PCBP3: variants seen among roughly 807,000 people sequenced by gnomAD.
The protein encoded by PCBP3 is poly(rC) binding protein 3.
In PCBP3, 25 loss-of-function variants were observed where a neutral mutation model predicts 52.7. The observed-to-expected ratio is 0.47, with a 90% CI of 0.35 to 0.66. The LOEUF is 0.66. Ranked by LOEUF, PCBP3 falls within the 30% of genes least tolerant of loss-of-function variation. The pLI is 0.01. For synonymous variants in PCBP3, 162 were observed against 183.0 expected, an observed-to-expected ratio of 0.89 and a Z score of 0.93; for missense variants, 391 against 490.3, an observed-to-expected ratio of 0.80 and a Z score of 1.91.
intron 5 of PCBP3, chr21:45,872,792 G>C (rs2095086704): frequency 6.6e-6 from 1 of 152,192 alleles, no homozygotes; most frequent in African/African-American, 2.4e-5. Context: ...ATTATTATTT[G>C]TATGGTTATT....
At chr21:45,846,845 G>A (rs966719399) in intron 4 of PCBP3, among the ~76,000 whole-genome samples, 1 of 152,206 alleles carries the variant, frequency 6.6e-6, no homozygotes, top group Non-Finnish European at 1.5e-5. Context: ...GGCCTCACGT[G>A]CTTCTGCTCA....
rs551295667 is a variant in PCBP3 at position 45,931,790 on chromosome 21, G to A, written c.856+945G>A. Among the ~76,000 whole-genome samples the A allele has an allele frequency of 6.3e-4, 96 of 151,770 alleles. 1 individual carries two copies. In the South Asian group the frequency reaches 0.015, roughly 24 times the overall value. ...CTGTCCTGAAATGAATGAACACATC[G>A]GCCATGCTGTCCTGAGATGAATGAA... On this transcript the variant is annotated intron_variant, in intron 15 of 17. Transcript: ENST00000681687.
intron 2 of PCBP3, among the ~76,000 whole-genome samples, chr21:45,731,854 C>T (rs1943981792): frequency 6.7e-6 from 1 of 149,162 alleles, no homozygotes; most frequent in Non-Finnish European, 1.5e-5. Flanking sequence ...TGTCATAAGC[C>T]CCACAATGCA....
rs886621625 is a variant in PCBP3 at position 45,788,888 on chromosome 21, G to C, written c.-126+33436G>C. 2.0e-5 allele frequency: 3 copies of C among 152,206 alleles called. No individual in the cohort carries two copies. The highest frequency in any genetic ancestry group is 7.2e-5 in the African/African-American group (3 of 41,458). 9.4% of individuals were successfully genotyped at this position (152,206 alleles called of 1,614,324 possible). On this transcript the variant is annotated intron_variant, in intron 4 of 17. Coordinates refer to ENST00000681687, the MANE Select transcript of PCBP3 (RefSeq NM_001384156.1). This position sits in a 1 kb window ranked among gnomAD's most constrained non-coding sequence, Gnocchi z 4.3. ...CTCCTCAGGTTAGAAACACAGTGGA[G>C]CTAATGACACATTTCAGAATTAGAA... is the stretch of plus-strand genomic sequence containing the variant.
At chr21:45,643,932 C>T (rs1263302366) in intron 1 of PCBP3, 64 bp downstream of exon 1, 1 of 148,948 alleles carries the variant, frequency 6.7e-6, no homozygotes, top group East Asian at 2.0e-4. Context: ...GGACCCAGTC[C>T]CCGACGGAGG....
intron 4 of PCBP3, among the ~76,000 whole-genome samples, chr21:45,824,501 C>G (rs1222252407): frequency 1.3e-5 from 2 of 152,226 alleles, no homozygotes; most frequent in African/African-American, 4.8e-5. Flanking sequence ...AGAGATTTCT[C>G]CCGTTGGGAT....
intron 13 of PCBP3, among the ~76,000 whole-genome samples, chr21:45,925,772 T>C (rs1364116824): frequency 2.6e-5 from 4 of 152,208 alleles, no homozygotes; most frequent in Non-Finnish European, 5.9e-5. Flanking sequence ...CAAGAAGATA[T>C]AATTCAAAAT....
chr21:45,733,965 A>G (rs772285519), intron 2 of PCBP3, among the ~76,000 whole-genome samples: 2 of 152,204 alleles, frequency 1.3e-5, no homozygotes, highest in African/African-American at 2.4e-5. Context: ...TATGAGATAT[A>G]TTTTTGTGCT....
chr21:45,903,297 G>A (rs2096114393), intron 9 of PCBP3, among the ~76,000 whole-genome samples: 1 of 152,146 alleles, frequency 6.6e-6, no homozygotes, highest in African/African-American at 2.4e-5. Flanking sequence ...GCCCCATGCA[G>A]GTTGCTGAAT....
intron 2 of PCBP3, among the ~76,000 whole-genome samples, chr21:45,723,692 G>T (rs975573017): frequency 6.6e-6 from 1 of 152,198 alleles, no homozygotes; most frequent in African/African-American, 2.4e-5. Flanking sequence ...GAGGGAAGGG[G>T]CTGCTGTCCC....
chr21:45,671,324 T>C (rs17004790), intron 2 of PCBP3, among the ~76,000 whole-genome samples: 4,139 of 152,294 alleles, frequency 0.027, 64 homozygotes, highest in Middle Eastern at 0.037. Context: ...AAAGGATGGA[T>C]TTCTAGCATT....
At chr21:45,875,993 A>G (rs1047540163) in intron 5 of PCBP3, among the ~76,000 whole-genome samples, 2 of 152,172 alleles carry the variant, frequency 1.3e-5, no homozygotes, top group Admixed American at 1.3e-4. Flanking sequence ...GTGGGAACTG[A>G]GGAAAGGTGT....
chr21:45,939,967 C>T, intron 16 of PCBP3, 63 bp from the exon 17 acceptor site: 4 of 1,502,966 alleles, frequency 2.7e-6, no homozygotes, highest in Non-Finnish European at 3.7e-6. Flanking sequence ...GGGCGCACTG[C>T]CCACAGTCTT....
intron 4 of PCBP3, among the ~76,000 whole-genome samples, chr21:45,812,432 G>T (rs1414395462): frequency 6.6e-6 from 1 of 152,216 alleles, no homozygotes; most frequent in South Asian, 2.1e-4. Flanking sequence ...TTGAGATGGA[G>T]TCTTGCTCTG....
chr21:45,940,388 C>T (rs998677873), intron 17 of PCBP3, among the ~76,000 whole-genome samples, 189 bp downstream of exon 17: 1 of 152,156 alleles, frequency 6.6e-6, no homozygotes, highest in African/African-American at 2.4e-5. Context: ...CATGTAGACA[C>T]GGGGCCACCT....
At chr21:45,759,412 G>A (rs1047384910) in intron 4 of PCBP3, among the ~76,000 whole-genome samples, 3 of 152,082 alleles carry the variant, frequency 2.0e-5, no homozygotes, top group African/African-American at 2.4e-5. Context: ...AACAGCTTCC[G>A]CTAACATTCC....
At chr21:45,813,374 A>G (rs1395375037) in intron 4 of PCBP3, among the ~76,000 whole-genome samples, 1 of 152,076 alleles carries the variant, frequency 6.6e-6, no homozygotes, top group Non-Finnish European at 1.5e-5. Flanking sequence ...GCTCATTTTT[A>G]TAGTTTCCCT....
chr21:45,775,080 G>A (rs1347383417), intron 4 of PCBP3, among the ~76,000 whole-genome samples: 4 of 152,148 alleles, frequency 2.6e-5, no homozygotes, highest in Non-Finnish European at 4.4e-5. Context: ...GTTTCTGGAG[G>A]ATTAGTATTA....
intron 5 of PCBP3, among the ~76,000 whole-genome samples, chr21:45,885,262 C>T (rs1410526908): frequency 2.0e-5 from 3 of 152,124 alleles, no homozygotes; most frequent in Non-Finnish European, 2.9e-5. Flanking sequence ...CCACGCCATC[C>T]ATTGTCTCCC....
Sources: gnomAD v4.1 joint callset for allele counts (sites outside exome capture counted in the v4.1 genomes callset) on GRCh38, gnomAD v4.1.1 for gene constraint, Gnocchi (gnomAD v3.1) non-coding constraint, MANE v1.5 for transcripts, NCBI Gene and HGNC (gene_info 2026-07-23, HGNC 2026-07-21) for gene names.